RANGAP1: variants seen among roughly 807,000 people sequenced by gnomAD.
RANGAP1 encodes the protein ran GTPase-activating protein 1.
A neutral mutation model predicts 63.5 loss-of-function variants in RANGAP1; 38 were observed. The ratio of observed to expected loss-of-function variants is 0.60; its 90% CI spans 0.46 to 0.78. The LOEUF is 0.78. Among genes scored for constraint, RANGAP1 ranks in the 30% least tolerant of loss-of-function variants. The probability of loss-of-function intolerance (pLI) is 0.00; values close to 1 mark genes in which losing one functional copy is unlikely to be tolerated. For synonymous variants in RANGAP1, 329 were observed against 310.5 expected, an observed-to-expected ratio of 1.06 and a Z score of -0.63; for missense variants, 630 against 740.3, an observed-to-expected ratio of 0.85 and a Z score of 1.73.
At chr22:41,278,518 G>A (rs962964134) in intron 2 of RANGAP1, among the ~76,000 whole-genome samples, 1 of 152,190 alleles carries the variant, frequency 6.6e-6, no homozygotes, top group Admixed American at 6.5e-5. Context: ...ATCTGACACG[G>A]TGTTCAATAA....
At chr22:41,262,369 C>T (rs1478878287) in intron 5 of RANGAP1, among the ~76,000 whole-genome samples, 3 of 152,158 alleles carry the variant, frequency 2.0e-5, no homozygotes, top group Non-Finnish European at 2.9e-5. Context: ...TTGCAGAACA[C>T]CTGATGTTTG....
chr22:41,296,438 G>C, the RANGAP1 span, among the ~76,000 whole-genome samples: 1 of 152,178 alleles, frequency 6.6e-6, no homozygotes, highest in Non-Finnish European at 1.5e-5. Context: ...CCTGAGGTCA[G>C]GAGTTCAAGA....
chr22:41,265,227 T>C (rs1175778316), intron 4 of RANGAP1, among the ~76,000 whole-genome samples: 1 of 152,238 alleles, frequency 6.6e-6, no homozygotes, highest in East Asian at 1.9e-4. Context: ...GAAGAAGCCG[T>C]GGCATGGGCT....
the RANGAP1 span, among the ~76,000 whole-genome samples, chr22:41,297,512 CT>C: frequency 2.4e-3 from 334 of 142,100 alleles, no homozygotes; most frequent in Middle Eastern, 3.6e-3. Flanking sequence ...GGGTACAGTA[CT>C]TTTTTTTTTT....
intron 13 of RANGAP1, 128 bp from the exon 14 acceptor site, chr22:41,249,945 C>T: frequency 1.3e-6 from 1 of 764,170 alleles, no homozygotes; most frequent in South Asian, 1.6e-5. Context: ...AAGAGGCGAA[C>T]ACGAGAGGGA....
At chr22:41,264,949 G>C in intron 4 of RANGAP1, 106 bp from the exon 5 acceptor site, 1 of 1,187,660 alleles carries the variant, frequency 8.4e-7, no homozygotes, top group South Asian at 1.5e-5. Context: ...ACCCCGGCTG[G>C]TGCAGAACCA....
intron 1 of RANGAP1, chr22:41,284,813 G>C (rs1428808322): frequency 6.6e-6 from 1 of 152,260 alleles, no homozygotes; most frequent in Non-Finnish European, 1.5e-5. Flanking sequence ...GGAGGCTACA[G>C]TGAGCTGAGA....
chr22:41,245,712 G>C lies in RANGAP1; in HGVS notation c.*891C>G, dbSNP rs2032986452. ...TGGGGCAGTCACGGGTGCTCAGGGA[G>C]GTCATACAGCATCTGCCCAGTCCAG... On this transcript the variant is annotated 3_prime_UTR_variant, in exon 16 of 16. Coordinates refer to ENST00000356244, the MANE Select transcript of RANGAP1 (RefSeq NM_002883.4). The C allele has an allele frequency of 6.6e-6, 1 of 152,440 alleles. No homozygotes were observed. Among genetic ancestry groups the C allele is most frequent in the Non-Finnish European group, 1.5e-5 (1 of 68,220 alleles). 9.4% of individuals were successfully genotyped at this position (152,440 alleles called of 1,614,324 possible).
intron 1 of RANGAP1, among the ~76,000 whole-genome samples, chr22:41,284,626 T>G (rs1344222966): frequency 6.7e-6 from 1 of 149,776 alleles, no homozygotes; most frequent in Non-Finnish European, 1.5e-5. Context: ...AATCCCAGCA[T>G]TTCCGGAGGC....
intron 10 of RANGAP1, among the ~76,000 whole-genome samples, chr22:41,255,455 A>AG (rs1426158924): frequency 6.6e-6 from 1 of 151,996 alleles, no homozygotes; most frequent in Non-Finnish European, 1.5e-5. Context: ...TAGACTCCCC[A>AG]GGCCCCATGG....
At chr22:41,291,571 C>CT in the RANGAP1 span, among the ~76,000 whole-genome samples, 1 of 128,028 alleles carries the variant, frequency 7.8e-6, no homozygotes, top group Non-Finnish European at 1.6e-5. Context: ...GCACTCCAGC[C>CT]GGATCAACAG....
At chr22:41,275,090 C>T (rs182138579) in intron 2 of RANGAP1, among the ~76,000 whole-genome samples, 17 of 152,104 alleles carry the variant, frequency 1.1e-4, no homozygotes, top group Non-Finnish European at 2.2e-4. Context: ...CCAGCAGGCA[C>T]GATGGCACAA....
At position 41,252,644 on chromosome 22, in the gene RANGAP1, C is replaced by T. The variant is rs78092972; in HGVS notation, c.1380+228G>A. 9.1e-3 allele frequency among the ~76,000 whole-genome samples: 1,379 copies of T among 152,286 alleles called. 17 individuals carry two copies. The highest frequency in any genetic ancestry group is 0.032 in the African/African-American group (1,336 of 41,536). The stretch of plus-strand genomic sequence containing the variant: ...TCCCTAACCCCAGTCAGCATGGGAA[C>T]TGGCGGGCTGTACTTTCTGTAGGCT... On this transcript the variant is annotated intron_variant, in intron 12 of 15. Transcript: ENST00000356244.
intron 15 of RANGAP1, among the ~76,000 whole-genome samples, chr22:41,249,003 C>T (rs1289427526): frequency 3.3e-5 from 5 of 152,238 alleles, no homozygotes; most frequent in Admixed American, 3.3e-4. Context: ...GACACTGGCC[C>T]AGCCTCTTGC....
intron 1 of RANGAP1, chr22:41,285,182 A>C (rs2035690517): frequency 6.6e-6 from 1 of 152,114 alleles, no homozygotes; most frequent in Admixed American, 6.6e-5. Context: ...TTAAAGAAAA[A>C]CCAACAAAAA....
At chr22:41,254,255 A>G in intron 11 of RANGAP1, 53 bp downstream of exon 11, 1 of 1,606,124 alleles carries the variant, frequency 6.2e-7, no homozygotes, top group Non-Finnish European at 8.5e-7. Context: ...GTGCCTCGGG[A>G]TTTCACGTTC....
At chr22:41,277,101 G>A (rs1228848264) in intron 2 of RANGAP1, among the ~76,000 whole-genome samples, 7 of 117,410 alleles carry the variant, frequency 6.0e-5, no homozygotes, top group Non-Finnish European at 1.0e-4. Context: ...TTTTTGAGAC[G>A]GAGTCTCGCT....
At chr22:41,294,710 T>C in the RANGAP1 span, among the ~76,000 whole-genome samples, 1 of 140,630 alleles carries the variant, frequency 7.1e-6, no homozygotes, top group South Asian at 2.4e-4. Context: ...TGCCACCCCG[T>C]CCGGGATGTG....
At chr22:41,267,682 G>C (rs1407678656) in intron 4 of RANGAP1, among the ~76,000 whole-genome samples, 2 of 152,194 alleles carry the variant, frequency 1.3e-5, no homozygotes, top group Non-Finnish European at 2.9e-5. Context: ...AGAAAGGGAG[G>C]AGCCAGAGAA....
Sources: allele counts gnomAD v4.1 joint callset (sites outside exome capture counted in the v4.1 genomes callset), GRCh38; gene constraint gnomAD v4.1.1; transcripts MANE v1.5; gene names NCBI Gene and HGNC (gene_info 2026-07-23, HGNC 2026-07-21).